Variants in CNBD1 observed in about 807,000 individuals in gnomAD.
The protein encoded by CNBD1 is cyclic nucleotide-binding domain-containing protein 1.
In CNBD1, 71 loss-of-function variants were observed where a neutral mutation model predicts 54.4. That is an observed-to-expected ratio of 1.30 (90% CI 1.08 to 1.59). The LOEUF is 1.59. CNBD1 is among the 40% of genes most tolerant of loss of function. CNBD1 has a pLI of 0.00. For missense variants in CNBD1, 659 were observed against 518.0 expected, an observed-to-expected ratio of 1.27 and a Z score of -2.64; for synonymous variants, 182 against 170.7, an observed-to-expected ratio of 1.07 and a Z score of -0.51.
Position 87,022,813 on chromosome 8 carries a change from T to A in CNBD1, c.431+83059T>A, listed in dbSNP as rs573267068. Among the ~76,000 whole-genome samples, 6 of 152,324 alleles carry A rather than the reference T, an allele frequency of 3.9e-5. No homozygotes were observed. The East Asian group carries it at 1.2e-3, about 29-fold the overall frequency. On this transcript the variant is annotated intron_variant, in intron 4 of 10. Transcript: ENST00000518476. ...CTGATAATGGTTGCTGGAAGCATTTTAATATTTTATTAGATGGAGACAGTT... is the reference window on the plus strand; with the variant it reads ...CTGATAATGGTTGCTGGAAGCATTTAAATATTTTATTAGATGGAGACAGTT...
rs1283402576 is a variant in CNBD1, at chr8:87,182,033, C to T, written c.432-23960C>T. Among the ~76,000 whole-genome samples, 3 of 152,024 alleles carry T rather than the reference C, an allele frequency of 2.0e-5. No homozygotes were observed. Among genetic ancestry groups the T allele is most frequent in the African/African-American group, 7.2e-5 (3 of 41,394 alleles). Reference sequence around the variant, plus strand: ...AGTATCTGATAGGTAGTTTTTTGACCTTCACCCTGCTCCTAACATCTCACT... The same window carrying T: ...AGTATCTGATAGGTAGTTTTTTGACTTTCACCCTGCTCCTAACATCTCACT... On this transcript the variant is annotated intron_variant, in intron 4 of 10. Transcript: ENST00000518476. This position sits in a 1 kb window ranked among gnomAD's most constrained non-coding sequence, Gnocchi z 4.1.
chr8:87,278,537 C>G (rs1808529454), intron 6 of CNBD1, among the ~76,000 whole-genome samples: 1 of 151,576 alleles, frequency 6.6e-6, no homozygotes, highest in African/African-American at 2.4e-5. Context: ...AAAGTAACTT[C>G]TGACCTAGAC....
intron 4 of CNBD1, among the ~76,000 whole-genome samples, chr8:87,006,494 A>G (rs890494349): frequency 3.3e-5 from 5 of 152,198 alleles, no homozygotes; most frequent in Admixed American, 2.0e-4. Flanking sequence ...ACATAGTGCC[A>G]GCATCTGCTC....
At chr8:87,423,895 C>G (rs1451902964) in intron 2 of CNBD1, among the ~76,000 whole-genome samples, 2 of 152,174 alleles carry the variant, frequency 1.3e-5, no homozygotes, top group Non-Finnish European at 2.9e-5. Flanking sequence ...GGCTGTGAAG[C>G]CATCTAGTCC....
intron 4 of CNBD1, among the ~76,000 whole-genome samples, chr8:86,982,894 G>C (rs1279807933): frequency 6.6e-6 from 1 of 152,120 alleles, no homozygotes; most frequent in Non-Finnish European, 1.5e-5. Flanking sequence ...TTCTAACAAA[G>C]CTAATCCATT....
intron 5 of CNBD1, among the ~76,000 whole-genome samples, chr8:87,209,110 C>A (rs1203754114): frequency 8.6e-5 from 13 of 151,844 alleles, no homozygotes; most frequent in Admixed American, 8.5e-4. Flanking sequence ...TAGTATAAAT[C>A]CAGTCTTTAT....
chr8:86,888,352 T>G lies in CNBD1; in HGVS notation c.158+741T>G, dbSNP rs1586113057. Reference sequence around the variant, plus strand: ...GCAACTTTGATATTGCTTGGATTTCTGTCAAGAGGGATCATTTTCCCCTGT... The same window carrying G: ...GCAACTTTGATATTGCTTGGATTTCGGTCAAGAGGGATCATTTTCCCCTGT... On this transcript the variant is annotated intron_variant, in intron 2 of 10. Coordinates refer to ENST00000518476, the MANE Select transcript of CNBD1 (RefSeq NM_173538.3). Among the ~76,000 whole-genome samples the G allele has an allele frequency of 2.6e-5, 4 of 152,310 alleles. No homozygotes were observed. The South Asian group carries it at 8.3e-4, about 32-fold the overall frequency.
intron 4 of CNBD1, among the ~76,000 whole-genome samples, chr8:86,952,250 C>T (rs1021236589): frequency 6.6e-6 from 1 of 152,120 alleles, no homozygotes; most frequent in African/African-American, 2.4e-5. Flanking sequence ...GTCAAGACTT[C>T]CTGAGGCTGT....
At chr8:86,992,574 C>T (rs1033502818) in intron 4 of CNBD1, among the ~76,000 whole-genome samples, 2 of 151,918 alleles carry the variant, frequency 1.3e-5, no homozygotes, top group Non-Finnish European at 2.9e-5. Context: ...CTGTGGCCTG[C>T]GCTTAAGTGT....
In CNBD1 at chr8:87,033,935, T is replaced by C. The variant is rs1809851388; in HGVS notation, c.431+94181T>C. 2.6e-5 allele frequency among the ~76,000 whole-genome samples: 4 copies of C among 152,184 alleles called. No homozygotes were observed. In the South Asian group the frequency reaches 8.3e-4, roughly 31 times the overall value. On this transcript the variant is annotated intron_variant, in intron 4 of 10. Coordinates refer to ENST00000518476, the MANE Select transcript of CNBD1 (RefSeq NM_173538.3). ...AGGTTGTCACATAATGACTTAGCTT[T>C]TTCTTGAATCATATTAGAGCTTATA...
intron 4 of CNBD1, among the ~76,000 whole-genome samples, chr8:87,098,142 G>A (rs566624813): frequency 3.9e-5 from 6 of 152,132 alleles, no homozygotes; most frequent in East Asian, 1.9e-4. Flanking sequence ...AATATTTTAC[G>A]TGGAAGGCAT....
chr8:87,050,088 G>C (rs1810281586), intron 4 of CNBD1, among the ~76,000 whole-genome samples: 1 of 152,220 alleles, frequency 6.6e-6, no homozygotes, highest in South Asian at 2.1e-4. Context: ...TTGGGCCTCA[G>C]ATTCCCAGGT....
rs906034132 is a variant in CNBD1 at position 87,382,583 on chromosome 8, T to C, written c.1304-37T>C. The C allele has an allele frequency of 2.0e-6, 3 of 1,515,116 alleles. No homozygotes were observed. The African/African-American group carries it at 4.2e-5, about 21-fold the overall frequency. 93.9% of individuals were successfully genotyped at this position (1,515,116 alleles called of 1,614,324 possible). A position where few individuals can be genotyped will look rare whatever the true frequency, so the allele number is the denominator to read the frequency against. On this transcript the variant is annotated intron_variant, in intron 10 of 10. Transcript: ENST00000518476. The stretch of plus-strand genomic sequence containing the variant: ...AATAATTACCAAAAATGAGTATTTA[T>C]TATGTAACTTCTTGTTTGTTTGTTT...
At chr8:87,013,386 G>T (rs1229332313) in intron 4 of CNBD1, among the ~76,000 whole-genome samples, 1 of 152,028 alleles carries the variant, frequency 6.6e-6, no homozygotes, top group Non-Finnish European at 1.5e-5. Context: ...CTCAAAAGGG[G>T]TTCTCAAAAG....
intron 4 of CNBD1, among the ~76,000 whole-genome samples, chr8:87,044,130 G>T (rs1029208944): frequency 6.6e-6 from 1 of 151,312 alleles, no homozygotes. Context: ...TTTTATTTTG[G>T]TTTTCTACAG....
intron 10 of CNBD1, 65 bp downstream of exon 10, chr8:87,353,851 A>T (rs549252713): frequency 9.3e-6 from 12 of 1,290,950 alleles, no homozygotes; most frequent in South Asian, 3.0e-5. Flanking sequence ...AATTTTTTAA[A>T]TTTTTTTCCT....
intron 4 of CNBD1, among the ~76,000 whole-genome samples, chr8:87,070,908 T>G (rs1810747342): frequency 6.6e-6 from 1 of 152,082 alleles, no homozygotes. Context: ...TAGTTTTTAT[T>G]ATGATTCCAA....
intron 8 of CNBD1, among the ~76,000 whole-genome samples, chr8:87,348,681 G>A (rs112456253): frequency 0.024 from 3,682 of 152,216 alleles, 152 homozygotes; most frequent in African/African-American, 0.081. Context: ...AAAATAAGAG[G>A]ATGTCCTTTA....
intron 8 of CNBD1, among the ~76,000 whole-genome samples, chr8:87,311,973 T>C (rs555700183): frequency 4.6e-5 from 7 of 151,828 alleles, no homozygotes; most frequent in Non-Finnish European, 8.8e-5. Context: ...GGAGCAAGGA[T>C]TGAAAAACTA....
Sources: allele counts gnomAD v4.1 joint callset (sites outside exome capture counted in the v4.1 genomes callset), GRCh38; gene constraint gnomAD v4.1.1; non-coding constraint Gnocchi (gnomAD v3.1); transcripts MANE v1.5; gene names NCBI Gene and HGNC (gene_info 2026-07-23, HGNC 2026-07-21).